BRAF: variants seen among roughly 807,000 people sequenced by gnomAD.
BRAF encodes the protein serine/threonine-protein kinase B-raf.
In BRAF, 16 loss-of-function variants were observed where a neutral mutation model predicts 104.6. The ratio of observed to expected loss-of-function variants is 0.15; its 90% CI spans 0.10 to 0.23. BRAF has a LOEUF of 0.23. Among genes scored for constraint, BRAF ranks in the 10% least tolerant of loss-of-function variants. BRAF has a pLI of 1.00. For missense variants in BRAF, 541 were observed against 937.3 expected (o/e 0.58, Z 5.52); for synonymous variants, 310 against 341.6 (o/e 0.91, Z 1.02).
intron 14 of BRAF, among the ~76,000 whole-genome samples, chr7:140,760,764 C>A (rs559186019): frequency 6.6e-6 from 1 of 151,256 alleles, no homozygotes; most frequent in Non-Finnish European, 1.5e-5. Context: ...GGAGCCGATG[C>A]GATCAACTGG....
chr7:140,902,920 C>CTTT (rs111746402), intron 1 of BRAF, among the ~76,000 whole-genome samples: 21 of 125,506 alleles, frequency 1.7e-4, no homozygotes, highest in South Asian at 9.9e-4. Context: ...GACAGGATGA[C>CTTT]TTTTTTTTTT....
At chr7:140,783,307 G>T in intron 10 of BRAF, 150 bp from the exon 10 acceptor site, 1 of 879,918 alleles carries the variant, frequency 1.1e-6, no homozygotes, top group Non-Finnish European at 1.7e-6. Flanking sequence ...GCCAAAAAGG[G>T]GCCTCATTTG....
At chr7:140,739,377 T>C (rs1206996386) in intron 18 of BRAF, among the ~76,000 whole-genome samples, 1 of 152,106 alleles carries the variant, frequency 6.6e-6, no homozygotes, top group Non-Finnish European at 1.5e-5. Flanking sequence ...TCCTCACTAA[T>C]TTTTTTCTCT....
intron 8 of BRAF, among the ~76,000 whole-genome samples, chr7:140,790,294 TA>T (rs1157628471): frequency 6.6e-6 from 1 of 152,214 alleles, no homozygotes; most frequent in African/African-American, 2.4e-5. Context: ...CTTAGATTTT[TA>T]AATTCCGAAT....
At chr7:140,813,617 A>G (rs1267614) in intron 3 of BRAF, among the ~76,000 whole-genome samples, 14,821 of 152,184 alleles carry the variant, frequency 0.097, 787 homozygotes, top group South Asian at 0.19. Flanking sequence ...AACCTGAATG[A>G]CCATACACAC....
At chr7:140,717,749 T>C (rs1434758115), downstream of BRAF, among the ~76,000 whole-genome samples, 1 of 152,206 alleles carries the variant, frequency 6.6e-6, no homozygotes, top group African/African-American at 2.4e-5. Flanking sequence ...ATATATGGTA[T>C]AGTATGTTCT....
At chr7:140,831,314 G>A (rs1036151749) in intron 3 of BRAF, among the ~76,000 whole-genome samples, 4 of 152,174 alleles carry the variant, frequency 2.6e-5, no homozygotes, top group Non-Finnish European at 5.9e-5. Flanking sequence ...ACAGACGTGA[G>A]AAGAAGTCTG....
intron 6 of BRAF, 73 bp from the exon 7 acceptor site, chr7:140,800,554 C>T (rs1802991587): frequency 1.2e-6 from 2 of 1,606,338 alleles, no homozygotes; most frequent in Non-Finnish European, 1.7e-6. Flanking sequence ...ACATAGTTAA[C>T]CAAAAAAACT....
chr7:140,799,683 T>G (rs182295163), intron 7 of BRAF: 25 of 232,924 alleles, frequency 1.1e-4, no homozygotes, highest in African/African-American at 5.5e-4. Flanking sequence ...TAAGTTTTCC[T>G]GAGCACTCTC....
Position 140,784,948 on chromosome 7 carries a change from G to A in BRAF, c.1297+741C>T, listed in dbSNP as rs573658224. Among the ~76,000 whole-genome samples the A allele has an allele frequency of 3.4e-4, 52 of 152,082 alleles. No individual in the cohort carries two copies. The South Asian group carries it at 9.5e-3, about 28-fold the overall frequency. On this transcript the variant is annotated intron_variant, in intron 10 of 19. Transcript: ENST00000644969. ...AGGCGTGAGCCACCGCGCCTGGCCC[G>A]ACTTAAGTTTTTACAAATCAGTTTA...
chr7:140,917,562 T>C (rs574899568), intron 1 of BRAF, among the ~76,000 whole-genome samples: 1 of 152,256 alleles, frequency 6.6e-6, no homozygotes, highest in African/African-American at 2.4e-5. Context: ...AGAGTTCAAG[T>C]CCAGCCTGGG....
At chr7:140,868,319 T>C (rs1057308903) in intron 1 of BRAF, among the ~76,000 whole-genome samples, 2 of 152,034 alleles carry the variant, frequency 1.3e-5, no homozygotes, top group Admixed American at 6.6e-5. Context: ...AGCCAAAAAG[T>C]TAAAACAGTC....
intron 3 of BRAF, among the ~76,000 whole-genome samples, chr7:140,814,500 A>G (rs1267617): frequency 0.097 from 14,734 of 151,722 alleles, 779 homozygotes; most frequent in South Asian, 0.19. Flanking sequence ...CCCCATCTCT[A>G]TTAAAAACAC....
chr7:140,919,550 G>C (rs1348186085), intron 1 of BRAF, among the ~76,000 whole-genome samples: 1 of 152,020 alleles, frequency 6.6e-6, no homozygotes, highest in Admixed American at 6.5e-5. Flanking sequence ...TGTTAGGGTG[G>C]AGACTGTATT....
chr7:140,917,129 C>T (rs1197701288), intron 1 of BRAF, among the ~76,000 whole-genome samples: 2 of 152,336 alleles, frequency 1.3e-5, no homozygotes, highest in Admixed American at 1.3e-4. Context: ...GACGCGATCT[C>T]GGCTCACTAC....
At chr7:140,760,641 A>G (rs934656140) in intron 14 of BRAF, among the ~76,000 whole-genome samples, 3 of 152,130 alleles carry the variant, frequency 2.0e-5, no homozygotes, top group African/African-American at 7.2e-5. Context: ...TGAAAATAAT[A>G]AAAAATTTAG....
Position 140,724,975 on chromosome 7 carries a change from T to C in BRAF, c.*1519A>G. 1 of 1,044,376 alleles carries C rather than the reference T, an allele frequency of 9.6e-7. No individual in the cohort carries two copies. Among genetic ancestry groups the C allele is most frequent in the Non-Finnish European group, 1.2e-6 (1 of 866,062 alleles). 64.7% of individuals were successfully genotyped at this position (1,044,376 alleles called of 1,614,324 possible). On this transcript the variant is annotated 3_prime_UTR_variant, in exon 20 of 20. Coordinates refer to ENST00000644969, the MANE Select transcript of BRAF (RefSeq NM_001374258.1). ...TGTGCAAAGATAAGATTTAGGTTCT[T>C]AATGAATGCCAGTTCTTTCTATAAA... is the stretch of plus-strand genomic sequence containing the variant.
intron 17 of BRAF, chr7:140,740,885 A>G (rs777444001): frequency 6.6e-6 from 1 of 152,228 alleles, no homozygotes; most frequent in Non-Finnish European, 1.5e-5. Flanking sequence ...AACCTTGGAA[A>G]GAGTTACTGA....
intron 3 of BRAF, among the ~76,000 whole-genome samples, chr7:140,818,543 C>T (rs1475610098): frequency 2.6e-5 from 4 of 152,058 alleles, no homozygotes; most frequent in Non-Finnish European, 4.4e-5. Context: ...GAACTCCTGA[C>T]CTCAGGTGAT....
Sources: allele counts gnomAD v4.1 joint callset (sites outside exome capture counted in the v4.1 genomes callset), GRCh38; gene constraint gnomAD v4.1.1; transcripts MANE v1.5; gene names NCBI Gene and HGNC (gene_info 2026-07-23, HGNC 2026-07-21).